The following TSHZ2 variants were observed in gnomAD, a reference collection of about 807,000 sequenced individuals.
TSHZ2 encodes the protein teashirt zinc finger homeobox 2.
Under a neutral mutation model 74.4 loss-of-function variants are expected in TSHZ2, and 21 were observed. That is an observed-to-expected ratio of 0.28 (90% CI 0.20 to 0.41). TSHZ2 has a LOEUF of 0.41. Among genes scored for constraint, TSHZ2 ranks in the 10% least tolerant of loss-of-function variants. The pLI, the probability that TSHZ2 is intolerant of heterozygous loss-of-function variation, is 1.00. For synonymous variants in TSHZ2, 540 were observed against 515.3 expected (o/e 1.05, Z -0.65); for missense variants, 1,244 against 1,293.5 (o/e 0.96, Z 0.59).
At chr20:53,305,871 G>T (rs1278091323) in intron 2 of TSHZ2, among the ~76,000 whole-genome samples, 2 of 152,044 alleles carry the variant, frequency 1.3e-5, no homozygotes, top group Non-Finnish European at 2.9e-5. Flanking sequence ...CCAGCTACCT[G>T]GGAGGCTGAG....
intron 1 of TSHZ2, among the ~76,000 whole-genome samples, chr20:53,242,766 A>C (rs1990103024): frequency 6.6e-6 from 1 of 152,222 alleles, no homozygotes; most frequent in South Asian, 2.1e-4. Flanking sequence ...TTTTGAACAG[A>C]ATCTAAGTGT....
chr20:53,387,129 G>A (rs1027518708), intron 2 of TSHZ2, among the ~76,000 whole-genome samples: 5 of 152,078 alleles, frequency 3.3e-5, no homozygotes, highest in African/African-American at 9.7e-5. Flanking sequence ...AGTGGACAGC[G>A]ATCGTTTTCA....
chr20:53,448,388 T>C lies in TSHZ2; in HGVS notation c.*9-38756T>C, dbSNP rs535790694. Reference sequence around the variant, plus strand: ...GATGAATGAGGTGTCTGGTGTCTCATTGTCCAGATGCAGTGATCTGGTAAG... The same window carrying C: ...GATGAATGAGGTGTCTGGTGTCTCACTGTCCAGATGCAGTGATCTGGTAAG... On this transcript the variant is annotated intron_variant, in intron 2 of 2. Transcript: ENST00000371497. Among the ~76,000 whole-genome samples, 24 of 152,306 alleles carry C rather than the reference T, an allele frequency of 1.6e-4. 1 individual carries two copies. The East Asian group carries it at 1.9e-3, about 12-fold the overall frequency.
chr20:53,242,699 CTTG>C (rs1027929838), intron 1 of TSHZ2, among the ~76,000 whole-genome samples: 6 of 152,160 alleles, frequency 3.9e-5, no homozygotes, highest in Admixed American at 6.5e-5. Context: ...TAAAAGATAC[CTTG>C]TTGTTGTTCT....
chr20:53,397,548 C>A (rs971564495), intron 2 of TSHZ2: 6 of 152,166 alleles, frequency 3.9e-5, no homozygotes, highest in African/African-American at 1.4e-4. Flanking sequence ...CTAGTTCAAC[C>A]ATTGTGGAAG....
intron 2 of TSHZ2, among the ~76,000 whole-genome samples, chr20:53,349,617 A>G (rs1250958164): frequency 6.8e-6 from 1 of 147,958 alleles, no homozygotes; most frequent in Non-Finnish European, 1.5e-5. Context: ...ATGCCACTGC[A>G]CTCCAGCCTG....
intron 1 of TSHZ2, among the ~76,000 whole-genome samples, chr20:53,026,083 C>A (rs1371018810): frequency 6.6e-6 from 1 of 152,146 alleles, no homozygotes; most frequent in Non-Finnish European, 1.5e-5. Flanking sequence ...TATTCCCAAC[C>A]CTAAGTTAGT....
intron 2 of TSHZ2, among the ~76,000 whole-genome samples, chr20:53,293,784 A>G (rs138653021): frequency 0.018 from 2,732 of 151,754 alleles, 87 homozygotes; most frequent in African/African-American, 0.062. Context: ...TTGGGAAGCC[A>G]AGGCTGGCAG....
At chr20:53,131,669 A>T (rs937999156) in intron 1 of TSHZ2, among the ~76,000 whole-genome samples, 1 of 150,772 alleles carries the variant, frequency 6.6e-6, no homozygotes, top group Non-Finnish European at 1.5e-5. Context: ...CTAGATTTTG[A>T]AAAAGAAAAG....
chr20:52,997,051 G>A (rs1400619713), intron 1 of TSHZ2, among the ~76,000 whole-genome samples: 2 of 152,120 alleles, frequency 1.3e-5, no homozygotes, highest in Admixed American at 1.3e-4. Flanking sequence ...ACATTCATTG[G>A]GAGCGGCTGG....
At chr20:53,307,544 G>A (rs1472737878) in intron 2 of TSHZ2, among the ~76,000 whole-genome samples, 3 of 152,168 alleles carry the variant, frequency 2.0e-5, no homozygotes, top group African/African-American at 7.2e-5. Flanking sequence ...AGTGTCACCT[G>A]GGGAGCTTTT....
At chr20:53,350,245 C>T (rs1980598739) in intron 2 of TSHZ2, among the ~76,000 whole-genome samples, 1 of 152,244 alleles carries the variant, frequency 6.6e-6, no homozygotes, top group Admixed American at 6.5e-5. Flanking sequence ...CAGCCTATCA[C>T]ATATGACTTC....
rs536400452 is a variant in TSHZ2 at position 53,209,323 on chromosome 20, G to T, written c.41-44176G>T. On this transcript the variant is annotated intron_variant, in intron 1 of 2. Transcript: ENST00000371497. ...GGCTGTCTCGAACTCCTGACCTCAG[G>T]TAATCCACCTGCCTCAGCCTCCCAA... Among the ~76,000 whole-genome samples the T allele has an allele frequency of 2.6e-5, 4 of 152,214 alleles. No individual in the cohort carries two copies. In the South Asian group the frequency reaches 8.3e-4, roughly 32 times the overall value.
intron 1 of TSHZ2, among the ~76,000 whole-genome samples, chr20:53,103,786 C>G (rs141192088): frequency 6.6e-6 from 1 of 152,096 alleles, no homozygotes; most frequent in Admixed American, 6.5e-5. Flanking sequence ...TTTTGATGCT[C>G]CATGATGAAT....
At chr20:53,253,476 C>G in intron 1 of TSHZ2, 23 bp from the exon 2 acceptor site, 3 of 1,566,050 alleles carry the variant, frequency 1.9e-6, no homozygotes, top group Non-Finnish European at 1.7e-6. Flanking sequence ...ACTGTCGTTT[C>G]ATCTCTTCTT....
chr20:53,186,770 G>A (rs1226225928), intron 1 of TSHZ2, among the ~76,000 whole-genome samples: 6 of 152,074 alleles, frequency 3.9e-5, no homozygotes, highest in South Asian at 2.1e-4. Context: ...AACCACACGG[G>A]GGAGGGAGGC....
intron 2 of TSHZ2, among the ~76,000 whole-genome samples, chr20:53,378,910 C>T (rs1027241826): frequency 5.9e-5 from 9 of 152,088 alleles, no homozygotes; most frequent in African/African-American, 2.2e-4. Flanking sequence ...TTTGTGAGAA[C>T]AGTAAACAAA....
At chr20:53,444,860 T>G (rs1363206144) in intron 2 of TSHZ2, among the ~76,000 whole-genome samples, 1 of 152,192 alleles carries the variant, frequency 6.6e-6, no homozygotes, top group Admixed American at 6.5e-5. Context: ...ATTTTGCCAC[T>G]TGGCCCCCCA....
At chr20:53,455,190 A>C (rs1460357145) in intron 2 of TSHZ2, 2 of 152,224 alleles carry the variant, frequency 1.3e-5, no homozygotes, top group East Asian at 3.8e-4. Context: ...CTGGCCTTTC[A>C]GTAACGATGC....
Sources: gnomAD v4.1 joint callset for allele counts (sites outside exome capture counted in the v4.1 genomes callset) on GRCh38, gnomAD v4.1.1 for gene constraint, MANE v1.5 for transcripts, NCBI Gene and HGNC (gene_info 2026-07-23, HGNC 2026-07-21) for gene names.